DOCK1: variants seen among roughly 807,000 people sequenced by gnomAD.
DOCK1 encodes the protein dedicator of cytokinesis protein 1.
A neutral mutation model predicts 262.7 loss-of-function variants in DOCK1; 138 were observed. The observed-to-expected ratio is 0.53, with a 90% CI of 0.46 to 0.61. DOCK1 has a LOEUF of 0.61. Among genes scored for constraint, DOCK1 ranks in the 20% least tolerant of loss-of-function variants. DOCK1 has a pLI of 0.00. For synonymous variants in DOCK1, 866 were observed against 867.4 expected (o/e 1.00, Z 0.03); for missense variants, 1,908 against 2,370.7 (o/e 0.80, Z 4.05).
intron 30 of DOCK1, among the ~76,000 whole-genome samples, chr10:127,341,743 G>A (rs565142085): frequency 2.0e-5 from 3 of 152,146 alleles, no homozygotes; most frequent in Non-Finnish European, 4.4e-5. Context: ...CCGTGAGCCC[G>A]CACACCTTAC....
intron 18 of DOCK1, among the ~76,000 whole-genome samples, chr10:127,034,121 G>C (rs1372196392): frequency 6.6e-6 from 1 of 152,130 alleles, no homozygotes; most frequent in Admixed American, 6.5e-5. Context: ...CATGCCCGAG[G>C]CATGTGCAGT....
At chr10:127,421,416 T>G (rs1394897645) in intron 46 of DOCK1, among the ~76,000 whole-genome samples, 1 of 152,174 alleles carries the variant, frequency 6.6e-6, no homozygotes, top group East Asian at 1.9e-4. Context: ...TATACTGATA[T>G]GTAAACATAA....
Position 127,002,792 on chromosome 10 carries a change from C to T in DOCK1, c.985+2485C>T, listed in dbSNP as rs573405529. The stretch of plus-strand genomic sequence containing the variant: ...CTGATATCTGCTGATCACATGGACA[C>T]CCCCTTTGGTCCCTGGTTCCTCCTG... On this transcript the variant is annotated intron_variant, in intron 10 of 51. Coordinates refer to ENST00000623213, the MANE Select transcript of DOCK1 (RefSeq NM_001290223.2). Among the ~76,000 whole-genome samples, 4 of 152,312 alleles carry T rather than the reference C, an allele frequency of 2.6e-5. No individual in the cohort carries two copies. The East Asian group carries it at 7.7e-4, about 29-fold the overall frequency.
chr10:127,039,623 C>T (rs12356650), intron 19 of DOCK1, among the ~76,000 whole-genome samples: 410 of 152,266 alleles, frequency 2.7e-3, no homozygotes, highest in Non-Finnish European at 4.4e-3. Flanking sequence ...CTGACATGCG[C>T]CGTGAGCCTA....
At chr10:127,188,739 A>AT (rs2134065057) in intron 27 of DOCK1, among the ~76,000 whole-genome samples, 1 of 152,364 alleles carries the variant, frequency 6.6e-6, no homozygotes, top group Admixed American at 6.5e-5. Context: ...CAAAGATCAG[A>AT]AAAGGTAACA....
chr10:126,957,340 G>C (rs2036827521), intron 1 of DOCK1, among the ~76,000 whole-genome samples: 1 of 152,254 alleles, frequency 6.6e-6, no homozygotes, highest in Admixed American at 6.5e-5. Flanking sequence ...TGGGCTGCTG[G>C]CTCACCTGAA....
chr10:127,179,384 G>A (rs1429326764), intron 27 of DOCK1, among the ~76,000 whole-genome samples: 1 of 152,178 alleles, frequency 6.6e-6, no homozygotes, highest in African/African-American at 2.4e-5. Context: ...AAAAATGATG[G>A]TAATACTTAG....
chr10:127,119,342 G>A (rs764524283), intron 25 of DOCK1, among the ~76,000 whole-genome samples: 11 of 152,174 alleles, frequency 7.2e-5, no homozygotes, highest in Non-Finnish European at 1.3e-4. Context: ...CACCGCGCCC[G>A]GCCGGAATAG....
At chr10:127,149,693 A>G (rs532369754) in intron 27 of DOCK1, among the ~76,000 whole-genome samples, 66 of 95,574 alleles carry the variant, frequency 6.9e-4, no homozygotes, top group Admixed American at 6.4e-3. Context: ...TTGGCCTTCC[A>G]GAAAGCAGGG....
chr10:127,313,180 A>G (rs1194994864), intron 29 of DOCK1, among the ~76,000 whole-genome samples: 1 of 151,952 alleles, frequency 6.6e-6, no homozygotes, highest in Non-Finnish European at 1.5e-5. Flanking sequence ...CAAGCACCAG[A>G]CCCTCGTCTT....
intron 28 of DOCK1, among the ~76,000 whole-genome samples, chr10:127,249,432 T>TAC (rs376080330): frequency 0.011 from 1,086 of 97,012 alleles, 7 homozygotes; most frequent in African/African-American, 0.035. Flanking sequence ...CATATATATA[T>TAC]ACACACACAC....
At chr10:127,006,670 G>A (rs569956697) in intron 10 of DOCK1, among the ~76,000 whole-genome samples, 1 of 152,320 alleles carries the variant, frequency 6.6e-6, no homozygotes, top group South Asian at 2.1e-4. Flanking sequence ...TGCGGGACTC[G>A]GGGTGTTTTC....
intron 6 of DOCK1, 63 bp from the exon 7 acceptor site, chr10:126,996,685 G>A: frequency 6.7e-7 from 1 of 1,487,800 alleles, no homozygotes; most frequent in South Asian, 1.5e-5. Flanking sequence ...GGTGGAAGTT[G>A]TGCTAGAAAA....
At position 127,156,535 on chromosome 10, in the gene DOCK1, TTTCTTCTTC is replaced by T. The variant is rs542677102; in HGVS notation, c.2847+28792_2847+28800del. On this transcript the variant is annotated intron_variant, in intron 27 of 51. Transcript: ENST00000623213. ...CTTTTCTTTACTTTTCTTTTCTCTT[TTTCTTCTTC>T]TTCTTCTTCTTCTTCTTCTTTTTTT... Among the ~76,000 whole-genome samples the T allele has an allele frequency of 8.7e-3, 819 of 94,176 alleles. 8 individuals are homozygous for T. Among genetic ancestry groups the T allele is most frequent in the Non-Finnish European group, 0.011 (554 of 49,586 alleles). 61.8% of individuals were successfully genotyped at this position (94,176 alleles called of 152,430 possible).
At chr10:127,008,825 G>A in intron 11 of DOCK1, 21 bp downstream of exon 11, 2 of 1,574,482 alleles carry the variant, frequency 1.3e-6, no homozygotes, top group African/African-American at 2.7e-5. Context: ...AGCAATTCAA[G>A]TACTTAGCCA....
intron 29 of DOCK1, among the ~76,000 whole-genome samples, chr10:127,336,284 G>A (rs769074337): frequency 1.9e-4 from 29 of 152,096 alleles, no homozygotes; most frequent in South Asian, 2.1e-4. Flanking sequence ...TGCAAGTGAC[G>A]CAGCCCTTGA....
chr10:127,179,813 T>C (rs1366781797), intron 27 of DOCK1, among the ~76,000 whole-genome samples: 1 of 152,224 alleles, frequency 6.6e-6, no homozygotes, highest in East Asian at 1.9e-4. Flanking sequence ...TACGTTACAG[T>C]GTAGCATTAA....
intron 1 of DOCK1, among the ~76,000 whole-genome samples, chr10:126,940,081 A>G (rs1466108384): frequency 2.0e-5 from 3 of 152,164 alleles, no homozygotes; most frequent in African/African-American, 4.8e-5. Flanking sequence ...CCAACCTTTG[A>G]GAATTGTTTT....
chr10:127,449,234 G>C (rs567233275), intron 51 of DOCK1, among the ~76,000 whole-genome samples: 33 of 152,172 alleles, frequency 2.2e-4, no homozygotes, highest in African/African-American at 7.0e-4. Flanking sequence ...GATTCGGGGG[G>C]GTCTAACAAG....
Sources: gnomAD v4.1 joint callset for allele counts (sites outside exome capture counted in the v4.1 genomes callset) on GRCh38, gnomAD v4.1.1 for gene constraint, MANE v1.5 for transcripts, NCBI Gene and HGNC (gene_info 2026-07-23, HGNC 2026-07-21) for gene names.